The following NRXN3 variants were observed in gnomAD, a reference collection of about 807,000 sequenced individuals.
NRXN3 encodes neurexin 3.
NRXN3 carries 32 observed loss-of-function variants against 137.6 expected under a neutral mutation model. The ratio of observed to expected loss-of-function variants is 0.23; its 90% CI spans 0.18 to 0.31. NRXN3 has a LOEUF of 0.31. Ranked by LOEUF, NRXN3 falls within the 10% of genes least tolerant of loss-of-function variation. The probability of loss-of-function intolerance (pLI) is 1.00; values close to 1 mark genes in which losing one functional copy is unlikely to be tolerated. For synonymous variants in NRXN3, 798 were observed against 784.5 expected, an observed-to-expected ratio of 1.02 and a Z score of -0.29; for missense variants, 1,574 against 2,062.5, an observed-to-expected ratio of 0.76 and a Z score of 4.59.
At chr14:78,889,135 T>A (rs182419119) in intron 10 of NRXN3, among the ~76,000 whole-genome samples, 1 of 152,166 alleles carries the variant, frequency 6.6e-6, no homozygotes, top group East Asian at 1.9e-4. Context: ...GTTTAATTGT[T>A]GTCACTTTTA....
At chr14:79,238,131 G>A (rs1161692532) in intron 15 of NRXN3, among the ~76,000 whole-genome samples, 2 of 152,014 alleles carry the variant, frequency 1.3e-5, no homozygotes, top group Admixed American at 6.6e-5. Flanking sequence ...AGGTGCATGG[G>A]GGTCCTGGAC....
intron 19 of NRXN3, among the ~76,000 whole-genome samples, chr14:79,724,047 A>T (rs1428609080): frequency 6.6e-6 from 1 of 152,182 alleles, no homozygotes; most frequent in Non-Finnish European, 1.5e-5. Context: ...AAGAAGGAAC[A>T]TACATTCAGC....
chr14:79,055,815 A>T (rs4903815), intron 15 of NRXN3, among the ~76,000 whole-genome samples: 1 of 152,046 alleles, frequency 6.6e-6, no homozygotes. Flanking sequence ...ATGCACATGC[A>T]CTTGGAGACA....
intron 10 of NRXN3, among the ~76,000 whole-genome samples, chr14:78,819,352 T>C (rs2098943871): frequency 2.0e-5 from 3 of 151,898 alleles, no homozygotes. Flanking sequence ...TAAAAAACAA[T>C]AAAAAACCAA....
chr14:79,025,365 C>A (rs2099596336), intron 15 of NRXN3, among the ~76,000 whole-genome samples: 1 of 152,142 alleles, frequency 6.6e-6, no homozygotes, highest in Non-Finnish European at 1.5e-5. Flanking sequence ...TCATCAGGCT[C>A]TGAACACTGG....
intron 6 of NRXN3, among the ~76,000 whole-genome samples, chr14:78,685,045 T>A (rs1257420860): frequency 6.6e-6 from 1 of 152,168 alleles, no homozygotes; most frequent in Non-Finnish European, 1.5e-5. Flanking sequence ...AATAGACAAG[T>A]AAATCAAGGG....
rs551629381 is a variant in NRXN3, at chr14:78,203,680, A to G, written c.-704+33006A>G. On this transcript the variant is annotated intron_variant, in intron 1 of 20. Coordinates refer to ENST00000335750, the MANE Select transcript of NRXN3 (RefSeq NM_001330195.2). ...CTATTAATACATAGTACTTTATGTGATACAAATGATAAACACTAATACTGA... is the reference window on the plus strand; with the variant it reads ...CTATTAATACATAGTACTTTATGTGGTACAAATGATAAACACTAATACTGA... Among the ~76,000 whole-genome samples, 5 of 152,300 alleles carry G rather than the reference A, an allele frequency of 3.3e-5. No individual in the cohort carries two copies. In the South Asian group the frequency reaches 8.3e-4, roughly 25 times the overall value.
intron 4 of NRXN3, among the ~76,000 whole-genome samples, chr14:78,399,879 C>T (rs1278679408): frequency 2.0e-5 from 3 of 152,178 alleles, no homozygotes; most frequent in Non-Finnish European, 2.9e-5. Context: ...AAATGCAAGG[C>T]AGCAGAGAGG....
chr14:78,191,663 T>TG (rs2060743190), intron 1 of NRXN3, among the ~76,000 whole-genome samples: 15 of 152,276 alleles, frequency 9.9e-5, no homozygotes, highest in Middle Eastern at 3.4e-3. Context: ...CAGACATGTC[T>TG]AGGGCTGGTG....
At position 79,639,067 on chromosome 14, in the gene NRXN3, T is replaced by C. The variant is rs75401508; in HGVS notation, c.3445-24711T>C. Among the ~76,000 whole-genome samples, 3,155 of 152,192 alleles carry C rather than the reference T, an allele frequency of 0.021. 178 individuals carry two copies. In the East Asian group the frequency reaches 0.22, roughly 11 times the overall value. On this transcript the variant is annotated intron_variant, in intron 16 of 20. Coordinates refer to ENST00000335750, the MANE Select transcript of NRXN3 (RefSeq NM_001330195.2). ...CTCCTTCACATACACACTCCCCCAGTTGTCCATTACTCCCACCCTCTCCGT... is the reference window on the plus strand; with the variant it reads ...CTCCTTCACATACACACTCCCCCAGCTGTCCATTACTCCCACCCTCTCCGT...
At chr14:78,759,217 T>TAATC (rs1399832836) in intron 8 of NRXN3, among the ~76,000 whole-genome samples, 3 of 152,028 alleles carry the variant, frequency 2.0e-5, no homozygotes, top group African/African-American at 4.8e-5. Context: ...CTGCCTCATG[T>TAATC]AATCAATGCC....
At chr14:79,489,978 G>A (rs2096698582) in intron 16 of NRXN3, among the ~76,000 whole-genome samples, 1 of 147,510 alleles carries the variant, frequency 6.8e-6, no homozygotes, top group Middle Eastern at 3.5e-3. Flanking sequence ...GGCAGAGCTT[G>A]CAGTGAGCCG....
At chr14:79,763,407 TCCTTTGGG>T (rs1391419307) in intron 19 of NRXN3, among the ~76,000 whole-genome samples, 13 of 151,670 alleles carry the variant, frequency 8.6e-5, no homozygotes, top group Non-Finnish European at 1.6e-4. Context: ...TGATTTATAA[TCCTTTGGG>T]TATACACCCA....
At chr14:79,392,562 C>T (rs536057021) in intron 15 of NRXN3, among the ~76,000 whole-genome samples, 17 of 152,204 alleles carry the variant, frequency 1.1e-4, no homozygotes, top group African/African-American at 2.2e-4. Flanking sequence ...CTTGAAGAAT[C>T]GCCACACTGC....
chr14:79,804,697 T>C (rs988876739), intron 19 of NRXN3, among the ~76,000 whole-genome samples: 6 of 152,186 alleles, frequency 3.9e-5, no homozygotes, highest in African/African-American at 9.7e-5. Context: ...ACCATAAGGA[T>C]TGAAACTCTC....
intron 15 of NRXN3, among the ~76,000 whole-genome samples, chr14:79,223,992 A>G (rs1384746022): frequency 6.6e-6 from 1 of 152,054 alleles, no homozygotes; most frequent in Non-Finnish European, 1.5e-5. Flanking sequence ...TTCCTATTTT[A>G]TTTTATTCTC....
intron 15 of NRXN3, among the ~76,000 whole-genome samples, chr14:79,364,864 C>A (rs924001525): frequency 2.1e-4 from 32 of 152,116 alleles, no homozygotes; most frequent in African/African-American, 7.5e-4. Context: ...TTAGTAGAGA[C>A]CCTTTCCCTT....
chr14:78,419,838 G>A (rs1412644164), intron 4 of NRXN3, among the ~76,000 whole-genome samples: 1 of 152,132 alleles, frequency 6.6e-6, no homozygotes, highest in African/African-American at 2.4e-5. Context: ...TGGAGACTTC[G>A]TATTGATGAT....
intron 4 of NRXN3, among the ~76,000 whole-genome samples, chr14:78,633,214 C>T (rs2097537286): frequency 7.4e-6 from 1 of 136,010 alleles, no homozygotes; most frequent in African/African-American, 3.0e-5. Flanking sequence ...AAGATCGCGC[C>T]ACTGCACTCA....
Sources: gnomAD v4.1 joint callset for allele counts (sites outside exome capture counted in the v4.1 genomes callset) on GRCh38, gnomAD v4.1.1 for gene constraint, MANE v1.5 for transcripts, NCBI Gene and HGNC (gene_info 2026-07-23, HGNC 2026-07-21) for gene names.